Variants in EDA observed in about 807,000 individuals in gnomAD.
The protein encoded by EDA is ectodysplasin-A.
Under a neutral mutation model 23.6 loss-of-function variants are expected in EDA, and 2 were observed. The observed-to-expected ratio is 0.08, with a 90% CI of 0.03 to 0.27. The LOEUF (loss-of-function observed/expected upper bound fraction) is 0.27, where lower values mean the gene tolerates loss of function less well. Ranked by LOEUF, EDA falls within the 10% of genes least tolerant of loss-of-function variation. The pLI, the probability that EDA is intolerant of heterozygous loss-of-function variation, is 1.00. For missense variants in EDA, 229 were observed against 324.2 expected (o/e 0.71, Z 2.26); for synonymous variants, 131 against 132.0 (o/e 0.99, Z 0.05).
chrX:69,816,320 G>A (rs1253471286), intron 1 of EDA, among the ~76,000 whole-genome samples: 1 of 111,479 alleles, frequency 9.0e-6, no homozygotes, highest in African/African-American at 3.3e-5. Flanking sequence ...CTCCAGCAAA[G>A]GACACAGAAC....
At chrX:69,630,622 A>G (rs1304309788) in intron 1 of EDA, among the ~76,000 whole-genome samples, 1 of 112,291 alleles carries the variant, frequency 8.9e-6, no homozygotes, top group East Asian at 2.8e-4. Context: ...TGTGAAAAAT[A>G]TAAAGTCTTG....
At chrX:69,959,727 A>G (rs1023424774) in intron 2 of EDA, among the ~76,000 whole-genome samples, 12 of 111,511 alleles carry the variant, frequency 1.1e-4, no homozygotes, top group African/African-American at 3.9e-4. Context: ...GATAAGTGGT[A>G]TGAAGAAAAA....
chrX:69,650,157 C>A (rs758953001), intron 1 of EDA, among the ~76,000 whole-genome samples: 1 of 112,009 alleles, frequency 8.9e-6, no homozygotes, highest in East Asian at 2.8e-4. Flanking sequence ...GGAATAATAA[C>A]ATCTTCCGTC....
chrX:69,668,009 C>T (rs1298269287), intron 1 of EDA, among the ~76,000 whole-genome samples: 1 of 112,294 alleles, frequency 8.9e-6, no homozygotes. Flanking sequence ...GTTAGGCCCA[C>T]CTCCCATCAC....
intron 1 of EDA, among the ~76,000 whole-genome samples, chrX:69,756,163 A>G (rs1476031835): frequency 1.8e-5 from 2 of 111,918 alleles, no homozygotes; most frequent in South Asian, 3.7e-4. Context: ...AGCTGTTCCT[A>G]TTCGGCCATC....
chrX:69,865,477 G>C (rs1218390696), intron 1 of EDA, among the ~76,000 whole-genome samples: 2 of 111,088 alleles, frequency 1.8e-5, no homozygotes, highest in East Asian at 2.8e-4. Context: ...AGACTGGGAG[G>C]CTACGCCTGT....
chrX:69,702,089 C>A (rs997878241), intron 1 of EDA, among the ~76,000 whole-genome samples: 2 of 111,271 alleles, frequency 1.8e-5, no homozygotes, highest in African/African-American at 6.6e-5. Context: ...GGAAATGAAC[C>A]AAGTCTTTTG....
chrX:70,029,133 C>G (rs1055766132), intron 4 of EDA, among the ~76,000 whole-genome samples: 1 of 112,908 alleles, frequency 8.9e-6, no homozygotes, highest in African/African-American at 3.2e-5. Context: ...GCAGTGGGCT[C>G]TATGAAGAAA....
intron 1 of EDA, among the ~76,000 whole-genome samples, chrX:69,662,292 G>A (rs1933536745): frequency 9.0e-6 from 1 of 111,601 alleles, no homozygotes; most frequent in African/African-American, 3.3e-5. Flanking sequence ...ACATATCATG[G>A]GAGGAACCTG....
At position 69,616,164 on chromosome X, in the gene EDA, G is replaced by GA. The variant is rs1195717155; in HGVS notation, c.-145_-144insA. The GA allele has an allele frequency of 1.7e-5, 9 of 545,383 alleles. No homozygotes were observed. Among genetic ancestry groups the GA allele is most frequent in the Non-Finnish European group, 2.4e-5 (9 of 371,874 alleles). The allele number at this position is 545,383 out of a possible 1,213,427, so 44.9% of individuals were successfully genotyped here. A position where few individuals can be genotyped will look rare whatever the true frequency, so the allele number is the denominator to read the frequency against. ...TGCACATGCGGCTGCTCCCTGCTCCGTCCCGCCCAGCCACTGTCGCGCAGG... is the reference window on the plus strand; with the variant it reads ...TGCACATGCGGCTGCTCCCTGCTCCGATCCCGCCCAGCCACTGTCGCGCAGG... On this transcript the variant is annotated 5_prime_UTR_variant, in exon 1 of 8. An upstream open reading frame in the 5' UTR gains an earlier in-frame stop. Coordinates refer to ENST00000374552, the MANE Select transcript of EDA (RefSeq NM_001399.5).
At chrX:69,647,355 A>C (rs1180162128) in intron 1 of EDA, among the ~76,000 whole-genome samples, 1 of 111,653 alleles carries the variant, frequency 9.0e-6, no homozygotes, top group Non-Finnish European at 1.9e-5. Context: ...TTCTTTACAT[A>C]ATCCCATATT....
intron 1 of EDA, among the ~76,000 whole-genome samples, chrX:69,896,497 A>G (rs1051836181): frequency 9.1e-6 from 1 of 110,387 alleles, no homozygotes; most frequent in African/African-American, 3.3e-5. Flanking sequence ...CGTACAACAT[A>G]CAAATTTGGG....
At chrX:69,684,617 A>G (rs779081680) in intron 1 of EDA, among the ~76,000 whole-genome samples, 1 of 112,285 alleles carries the variant, frequency 8.9e-6, no homozygotes, top group South Asian at 3.7e-4. Context: ...TCCTTCATTC[A>G]ATATATACCT....
chrX:69,978,469 C>T (rs1300873690), intron 2 of EDA, among the ~76,000 whole-genome samples: 1 of 95,989 alleles, frequency 1.0e-5, no homozygotes, highest in Non-Finnish European at 2.0e-5. Context: ...CATCACTGCA[C>T]TCCATCCTGG....
At chrX:69,990,675 T>G in intron 2 of EDA, among the ~76,000 whole-genome samples, 1 of 110,223 alleles carries the variant, frequency 9.1e-6, no homozygotes, top group Non-Finnish European at 1.9e-5. Context: ...ATCGAAAAGT[T>G]TTCTCTCATG....
chrX:69,851,586 G>A (rs2017135798), intron 1 of EDA, among the ~76,000 whole-genome samples: 1 of 112,390 alleles, frequency 8.9e-6, no homozygotes, highest in Non-Finnish European at 1.9e-5. Context: ...CCACTTGGAA[G>A]AGAAAAATCC....
chrX:69,856,484 C>T (rs1181872068), intron 1 of EDA, among the ~76,000 whole-genome samples: 1 of 110,538 alleles, frequency 9.0e-6, no homozygotes, highest in Non-Finnish European at 1.9e-5. Context: ...CCCACCAGCA[C>T]TGTAACAGTG....
intron 2 of EDA, among the ~76,000 whole-genome samples, chrX:70,008,646 C>T (rs1319221285): frequency 9.0e-6 from 1 of 111,015 alleles, no homozygotes; most frequent in East Asian, 2.8e-4. Context: ...CAGGGTAATG[C>T]TGACCTCATA....
chrX:69,617,151 C>A (rs1408290223), intron 1 of EDA: 8 of 208,450 alleles, frequency 3.8e-5, no homozygotes, highest in Non-Finnish European at 7.4e-5. Flanking sequence ...AATAACTGTT[C>A]CACGCCCGCC....
Sources: allele counts gnomAD v4.1 joint callset (sites outside exome capture counted in the v4.1 genomes callset), GRCh38; gene constraint gnomAD v4.1.1; transcripts MANE v1.5; gene names NCBI Gene and HGNC (gene_info 2026-07-23, HGNC 2026-07-21).